Variants in ABHD16A observed in about 807,000 individuals in gnomAD.
ABHD16A encodes phosphatidylserine lipase ABHD16A.
ABHD16A carries 47 observed loss-of-function variants against 89.8 expected under a neutral mutation model. That is an observed-to-expected ratio of 0.52 (90% CI 0.41 to 0.67). ABHD16A has a LOEUF of 0.67. Among genes scored for constraint, ABHD16A ranks in the 30% least tolerant of loss-of-function variants. The probability of loss-of-function intolerance (pLI) is 0.00; values close to 1 mark genes in which losing one functional copy is unlikely to be tolerated. For synonymous variants in ABHD16A, 251 were observed against 280.4 expected, an observed-to-expected ratio of 0.90 and a Z score of 1.05; for missense variants, 580 against 734.6, an observed-to-expected ratio of 0.79 and a Z score of 2.43.
intron 1 of ABHD16A, 74 bp from the exon 2 acceptor site, chr6:31,702,204 C>T: frequency 7.0e-7 from 1 of 1,424,828 alleles, no homozygotes. Flanking sequence ...AGAAGCCCTG[C>T]TGTGTGTCCT....
chr6:31,689,715 A>G lies in ABHD16A; in HGVS notation c.958-11T>C. 1 of 1,606,018 alleles carries G rather than the reference A, an allele frequency of 6.2e-7. No homozygotes were observed. The highest frequency in any genetic ancestry group is 8.5e-7 in the Non-Finnish European group (1 of 1,176,354). On this transcript the variant is annotated splice_polypyrimidine_tract_variant and intron_variant, in intron 11 of 19. Transcript: ENST00000395952. ...CGGGAATGGCACCCCCTGCAGGAGA[A>G]AGGGCAAAGTCAGGAGTGTGTCAGC... is the stretch of plus-strand genomic sequence containing the variant.
chr6:31,689,456 CAG>C, intron 12 of ABHD16A, 123 bp downstream of exon 12: 1 of 1,329,890 alleles, frequency 7.5e-7, no homozygotes, highest in Non-Finnish European at 1.0e-6. Context: ...CAGGCCCACT[CAG>C]AGATTCTACT....
At position 31,687,004 on chromosome 6, in the gene ABHD16A, A is replaced by G. The variant is rs1008023678; in HGVS notation, c.*208T>C. On this transcript the variant is annotated 3_prime_UTR_variant, in exon 20 of 20. Coordinates refer to ENST00000395952, the MANE Select transcript of ABHD16A (RefSeq NM_021160.3). The surrounding 1 kb of genome is among the most constrained non-coding windows in gnomAD (Gnocchi z 6.3). ...ATTAATTATTAGGAATAATCCATTCATGTAATGCAGGATGTATGTTGGAGA... is the reference window on the plus strand; with the variant it reads ...ATTAATTATTAGGAATAATCCATTCGTGTAATGCAGGATGTATGTTGGAGA... The G allele has an allele frequency of 1.7e-6, 1 of 583,858 alleles. No homozygotes were observed. The highest frequency in any genetic ancestry group is 3.1e-6 in the Non-Finnish European group (1 of 326,254). 36.2% of individuals were successfully genotyped at this position (583,858 alleles called of 1,614,324 possible).
chr6:31,690,585 C>A lies in ABHD16A; in HGVS notation c.861G>T (p.Gly287=). The change falls in exon 10 of 20, where the codon GGG becomes GGT. Residue 287 remains glycine (G), a synonymous_variant. Transcript: ENST00000395952. The surrounding 1 kb of genome is among the most constrained non-coding windows in gnomAD (Gnocchi z 4.1). ...QGQKLVICCE[G]NAGFYEVGCV... ...AGCCCACCTCATAAAACCCAGCATT[C>A]CCCTCACAGCAGATCACCTAGGAAG... 1 of 1,613,000 alleles carries A rather than the reference C, an allele frequency of 6.2e-7. No individual in the cohort carries two copies. The highest frequency in any genetic ancestry group is 8.5e-7 in the Non-Finnish European group (1 of 1,180,002).
chr6:31,689,985 A>G lies in ABHD16A; in HGVS notation c.957+93T>C, dbSNP rs975634584. ...CCCTCAGGTGAGTGGGACGCCTTCA[A>G]GAAATCCACAGCCCCTCTCCTCCCT... On this transcript the variant is annotated intron_variant, in intron 11 of 19. Coordinates refer to ENST00000395952, the MANE Select transcript of ABHD16A (RefSeq NM_021160.3). The G allele has an allele frequency of 2.0e-4, 281 of 1,407,340 alleles. 1 individual carries two copies. The highest frequency in any genetic ancestry group is 1.5e-3 in the Middle Eastern group (8 of 5,422). 87.2% of individuals were successfully genotyped at this position (1,407,340 alleles called of 1,614,324 possible).
rs1406216491 is a variant in ABHD16A at position 31,687,538 on chromosome 6, T to C, written c.1553A>G (p.Asp518Gly). 1.2e-6 allele frequency: 2 copies of C among 1,612,918 alleles called. No individual in the cohort carries two copies. Among genetic ancestry groups the C allele is most frequent in the Non-Finnish European group, 1.7e-6 (2 of 1,179,962 alleles). ...GPDFPWSVGE[D>G]MSADGRRQLA... ...CTGCCGCCGTCCATCTGCACTCATG[T>C]CCTCCCCTGCAGAGAGGAGGCGCTC... Residue 518 changes from aspartate (D) to glycine (G), a missense_variant, in exon 19 of 20, where the codon GAC becomes GGC. Asp to Gly is a moderately conservative substitution (Grantham distance 94). Coordinates refer to ENST00000395952, the MANE Select transcript of ABHD16A (RefSeq NM_021160.3). This position sits in a 1 kb window ranked among gnomAD's most constrained non-coding sequence, Gnocchi z 6.3.
Position 31,687,904 on chromosome 6 carries a change from C to T in ABHD16A, c.1371-4G>A, listed in dbSNP as rs116996610. 2,362 of 1,612,810 alleles carry T rather than the reference C, an allele frequency of 1.5e-3. 79 individuals carry two copies. The East Asian group carries it at 0.037, about 25-fold the overall frequency. ...CTCTGCCATCACCCGGGGATACCTA[C>T]GGAGGAAGTGCCAGGACAGGTCAGG... On this transcript the variant is annotated splice_polypyrimidine_tract_variant and splice_region_variant and intron_variant, in intron 16 of 19. Transcript: ENST00000395952. The surrounding 1 kb of genome is among the most constrained non-coding windows in gnomAD (Gnocchi z 6.3).
intron 1 of ABHD16A, chr6:31,702,897 C>A: frequency 7.6e-7 from 1 of 1,307,666 alleles, no homozygotes; most frequent in Non-Finnish European, 9.8e-7. Context: ...CACACAGGGT[C>A]GGGGGGACGC....
In ABHD16A at chr6:31,687,349, C is replaced by G; in HGVS notation, c.1594-54G>C. 1 of 1,597,272 alleles carries G rather than the reference C, an allele frequency of 6.3e-7. No individual in the cohort carries two copies. The highest frequency in any genetic ancestry group is 8.6e-7 in the Non-Finnish European group (1 of 1,166,546). Reference sequence around the variant, plus strand: ...TACAGAGCACTGTTGGGAGGGGCAGCCACTGGACTCCCTCCCCACCCTCCA... The same window carrying G: ...TACAGAGCACTGTTGGGAGGGGCAGGCACTGGACTCCCTCCCCACCCTCCA... On this transcript the variant is annotated intron_variant, in intron 19 of 19. Coordinates refer to ENST00000395952, the MANE Select transcript of ABHD16A (RefSeq NM_021160.3). This position sits in a 1 kb window ranked among gnomAD's most constrained non-coding sequence, Gnocchi z 6.3.
chr6:31,701,076 A>G, intron 3 of ABHD16A, 48 bp from the exon 4 acceptor site: 1 of 1,518,006 alleles, frequency 6.6e-7, no homozygotes, highest in Non-Finnish European at 9.1e-7. Flanking sequence ...AATGTCCCTC[A>G]GCTCCTCTTC....
chr6:31,690,742 G>T lies in ABHD16A; in HGVS notation c.844-140C>A. 1 of 733,310 alleles carries T rather than the reference G, an allele frequency of 1.4e-6. No homozygotes were observed. Among genetic ancestry groups the T allele is most frequent in the Non-Finnish European group, 2.4e-6 (1 of 425,514 alleles). The allele number at this position is 733,310 out of a possible 1,614,324, so 45.4% of individuals were successfully genotyped here. On this transcript the variant is annotated intron_variant, in intron 9 of 19. Transcript: ENST00000395952. The surrounding 1 kb of genome is among the most constrained non-coding windows in gnomAD (Gnocchi z 4.1). ...TCTGTTTTCTCCAAGGGGAATGGAA[G>T]CTTCTCATTCCACAGGGTCCATAAG...
chr6:31,702,308 C>A (rs1030495722), intron 1 of ABHD16A, among the ~76,000 whole-genome samples, 178 bp from the exon 2 acceptor site: 13 of 152,172 alleles, frequency 8.5e-5, no homozygotes, highest in Admixed American at 2.6e-4. Context: ...TAATTTCCCA[C>A]CCCTGACCAT....
chr6:31,691,734 A>AGGGG, intron 8 of ABHD16A, 54 bp from the exon 9 acceptor site: 1 of 126,960 alleles, frequency 7.9e-6, no homozygotes, highest in Admixed American at 1.2e-4. Context: ...GCCACATCAC[A>AGGGG]GGGGTGGGGC....
intron 1 of ABHD16A, 111 bp downstream of exon 1, chr6:31,703,039 G>A (rs1805182666): frequency 2.0e-5 from 27 of 1,366,864 alleles, no homozygotes; most frequent in Non-Finnish European, 2.5e-5. Context: ...CGGATAACTG[G>A]CTTGACAAGC....
In ABHD16A at chr6:31,690,231, A is replaced by G; in HGVS notation, c.908-104T>C. On this transcript the variant is annotated intron_variant, in intron 10 of 19. Coordinates refer to ENST00000395952, the MANE Select transcript of ABHD16A (RefSeq NM_021160.3). The surrounding 1 kb of genome is among the most constrained non-coding windows in gnomAD (Gnocchi z 4.1). ...AGTACCCCCCAGCTTAGATGCAAAT[A>G]ACTCCAAGCCTTCCCAGAAATAGGA... 1 of 1,124,250 alleles carries G rather than the reference A, an allele frequency of 8.9e-7. No homozygotes were observed. Among genetic ancestry groups the G allele is most frequent in the East Asian group, 2.5e-5 (1 of 39,752 alleles). The allele number at this position is 1,124,250 out of a possible 1,614,324, so 69.6% of individuals were successfully genotyped here.
intron 7 of ABHD16A, 187 bp downstream of exon 7, chr6:31,692,840 C>G: frequency 1.4e-6 from 1 of 714,894 alleles, no homozygotes; most frequent in African/African-American, 1.8e-5. Flanking sequence ...GACTCCAGAC[C>G]TCTCTGAGCC....
In ABHD16A at chr6:31,703,254, C is replaced by T; in HGVS notation, c.28G>A (p.Gly10Ser). 7.1e-7 allele frequency: 1 copy of T among 1,407,830 alleles called. No homozygotes were observed. The highest frequency in any genetic ancestry group is 9.4e-7 in the Non-Finnish European group (1 of 1,068,358). The allele number at this position is 1,407,830 out of a possible 1,614,324, so 87.2% of individuals were successfully genotyped here. A position where few individuals can be genotyped will look rare whatever the true frequency, so the allele number is the denominator to read the frequency against. Residue 10 changes from glycine to serine, a missense_variant, in exon 1 of 20, where the codon GGC (glycine) becomes AGC (serine). Physicochemically the swap from Gly to Ser is moderately conservative, Grantham distance 56. This residue lies in a region of ABHD16A where 165 missense variants were observed against 165.8 expected (regional missense o/e 1.00). Coordinates refer to ENST00000395952, the MANE Select transcript of ABHD16A (RefSeq NM_021160.3). MAKLLSCVL[G>S]PRLYKIYRER... is the part of the protein sequence containing the mutation. Reference sequence around the variant, plus strand: ...CGGTAGATTTTGTAGAGCCGGGGGCCTAGGACGCAGCTCAGCAGCTTCGCC... The same window carrying T: ...CGGTAGATTTTGTAGAGCCGGGGGCTTAGGACGCAGCTCAGCAGCTTCGCC...
At position 31,689,594 on chromosome 6, in the gene ABHD16A, G is replaced by A. The variant is rs748674676; in HGVS notation, c.1068C>T (p.Ile356=). 14 of 1,602,814 alleles carry A rather than the reference G, an allele frequency of 8.7e-6. No homozygotes were observed. The highest frequency in any genetic ancestry group is 4.5e-5 in the South Asian group (4 of 89,454). Residue 356 remains isoleucine (I), a synonymous_variant, in exon 12 of 20, where the codon ATC becomes ATT. Transcript: ENST00000395952. ...GGAGGCTGGTACCAGTGAAGCCGCC[G>A]ATGGACCAGGCGTAGATGATGATGT... ...PQDIIIYAWS[I]GGFTATWAAM...
chr6:31,692,805 C>G (rs1804021188), intron 7 of ABHD16A: 1 of 321,870 alleles, frequency 3.1e-6, no homozygotes, highest in Non-Finnish European at 5.7e-6. Flanking sequence ...TGTTCATATC[C>G]CAGTTCTTTA....
Sources: gnomAD v4.1 joint callset for allele counts (sites outside exome capture counted in the v4.1 genomes callset) on GRCh38, gnomAD v4.1.1 for gene constraint, gnomAD v4.1.1 regional missense constraint, Gnocchi (gnomAD v3.1) non-coding constraint, MANE v1.5 for transcripts, NCBI Gene and HGNC (gene_info 2026-07-23, HGNC 2026-07-21) for gene names.